Variants in DNAH5 observed in about 807,000 individuals in gnomAD.
The protein encoded by DNAH5 is dynein axonemal heavy chain 5.
DNAH5 carries 372 observed loss-of-function variants against 518.2 expected under a neutral mutation model. The ratio of observed to expected loss-of-function variants is 0.72; its 90% CI spans 0.66 to 0.78. DNAH5 has a LOEUF of 0.78. Ranked by LOEUF, DNAH5 falls within the 30% of genes least tolerant of loss-of-function variation. The pLI is 0.00. For missense variants in DNAH5, 5,523 were observed against 5,687.0 expected (o/e 0.97, Z 0.93); for synonymous variants, 2,039 against 2,025.9 (o/e 1.01, Z -0.17).
At chr5:13,847,460 C>T (rs1262754280) in intron 31 of DNAH5, among the ~76,000 whole-genome samples, 1 of 152,092 alleles carries the variant, frequency 6.6e-6, no homozygotes, top group Non-Finnish European at 1.5e-5. Flanking sequence ...CACAGTGACT[C>T]ACACCTGTAA....
At chr5:13,973,794 G>T (rs751902455) in intron 1 of DNAH5, among the ~76,000 whole-genome samples, 44 of 151,082 alleles carry the variant, frequency 2.9e-4, no homozygotes, top group Non-Finnish European at 5.4e-4. Context: ...TCTCGTGTGC[G>T]AATGCCCGAT....
intron 3 of DNAH5, among the ~76,000 whole-genome samples, chr5:13,926,131 C>A (rs1392343619): frequency 6.6e-6 from 1 of 152,176 alleles, no homozygotes; most frequent in East Asian, 1.9e-4. Context: ...ACCTAGGAAC[C>A]CAGGTGGGGC....
At chr5:13,710,514 C>T (rs944795607) in intron 75 of DNAH5, among the ~76,000 whole-genome samples, 3 of 151,756 alleles carry the variant, frequency 2.0e-5, no homozygotes, top group Non-Finnish European at 2.9e-5. Context: ...GAAATTGAAA[C>T]AAAACAAAGC....
chr5:13,936,558 T>C (rs1225285540), intron 1 of DNAH5, among the ~76,000 whole-genome samples: 5 of 152,188 alleles, frequency 3.3e-5, no homozygotes, highest in African/African-American at 1.2e-4. Context: ...TGGGAGACCT[T>C]ATAGAAATGA....
In DNAH5 at chr5:13,793,987, A is replaced by C; in HGVS notation, c.7959T>G (p.Thr2653=). The stretch of plus-strand genomic sequence containing the variant: ...GCATATTCACATCATCAATAAAAAC[A>C]GTCATCTTCTTTCCCGCAGGAGGGC... ...TYGPPAGKKM[T]VFIDDVNMPI... The change falls in exon 48 of 79, where the codon ACT becomes ACG. Residue 2653 remains threonine, a synonymous_variant. Transcript: ENST00000265104. The C allele has an allele frequency of 6.2e-7, 1 of 1,614,106 alleles. No homozygotes were observed. The highest frequency in any genetic ancestry group is 8.5e-7 in the Non-Finnish European group (1 of 1,179,980).
At chr5:13,943,390 A>G (rs16902962) in intron 1 of DNAH5, among the ~76,000 whole-genome samples, 5,382 of 152,314 alleles carry the variant, frequency 0.035, 124 homozygotes, top group Middle Eastern at 0.11. Context: ...ACATCGAAGG[A>G]AAGTGCTGAC....
chr5:13,844,325 T>G (rs1765670755), intron 32 of DNAH5, among the ~76,000 whole-genome samples: 1 of 152,192 alleles, frequency 6.6e-6, no homozygotes, highest in African/African-American at 2.4e-5. Flanking sequence ...GGTGGAGGGA[T>G]GGATTAGACA....
In DNAH5 at chr5:13,920,488, T is replaced by C. The variant is rs1478061904; in HGVS notation, c.790A>G (p.Thr264Ala). 1 of 1,614,060 alleles carries C rather than the reference T, an allele frequency of 6.2e-7. No individual in the cohort carries two copies. Among genetic ancestry groups the C allele is most frequent in the Admixed American group, 1.7e-5 (1 of 60,012 alleles). The change falls in exon 6 of 79, where the codon ACA becomes GCA. Residue 264 changes from threonine to alanine, a missense_variant. By Grantham distance (58) the Thr-to-Ala change is moderately conservative. Transcript: ENST00000265104. The part of the protein sequence containing the change: ...EDCMKVWIKQ[T>A]EQVLAENNQL... ...TGGTTTCTCAAAATTACCTGTTCTGTCTGTTTGATCCATACTTTCATGCAA... is the reference window on the plus strand; with the variant it reads ...TGGTTTCTCAAAATTACCTGTTCTGCCTGTTTGATCCATACTTTCATGCAA...
chr5:13,745,734 A>T (rs1749239726), intron 65 of DNAH5, among the ~76,000 whole-genome samples: 1 of 151,986 alleles, frequency 6.6e-6, no homozygotes, highest in Non-Finnish European at 1.5e-5. Context: ...TCAGCCCCAC[A>T]TTCCTTAGAT....
At chr5:13,775,474 ATAAT>A (rs1233616908) in intron 55 of DNAH5, among the ~76,000 whole-genome samples, 5 of 152,162 alleles carry the variant, frequency 3.3e-5, no homozygotes, top group African/African-American at 1.2e-4. Flanking sequence ...CGATGGATAG[ATAAT>A]TAATAGATAT....
chr5:13,911,440 T>C lies in DNAH5; in HGVS notation c.1590A>G (p.Lys530=). 1 of 1,614,092 alleles carries C rather than the reference T, an allele frequency of 6.2e-7. No individual in the cohort carries two copies. The highest frequency in any genetic ancestry group is 1.1e-5 in the South Asian group (1 of 91,084). ...CTTCGTAATCTTGGTCAAAATCCAT[T>C]TTCCGCTGGTCTAGGAAATTGTATT... ...KKEYNFLDQR[K]MDFDQDYEEF... is the part of the protein sequence containing the mutation. Residue 530 remains lysine (K), a synonymous_variant, in exon 12 of 79, where the codon AAA becomes AAG. Transcript: ENST00000265104.
chr5:13,843,103 ATAAAACAACAAGAAACATTGAT>A (rs1765509572), intron 32 of DNAH5, among the ~76,000 whole-genome samples: 1 of 152,166 alleles, frequency 6.6e-6, no homozygotes, highest in Non-Finnish European at 1.5e-5. Context: ...CACACATCCC[ATAAAACAACAAGAAACATTGAT>A]TTTTGAACCA....
In DNAH5 at chr5:13,727,632, T is replaced by C. The variant is rs1242812163; in HGVS notation, c.11908A>G (p.Lys3970Glu). ...DQISRNEKMW[K>E]IWFDKENPEE... ...GGGTTTTCCTTATCAAACCAAATTTTCCACATTTTCTCATTTCTCGATATC... is the reference window on the plus strand; with the variant it reads ...GGGTTTTCCTTATCAAACCAAATTTCCCACATTTTCTCATTTCTCGATATC... Residue 3970 changes from lysine to glutamate, a missense_variant, in exon 70 of 79, where the codon AAA (lysine) becomes GAA (glutamate). Physicochemically the swap from Lys to Glu is moderately conservative, Grantham distance 56 (BLOSUM62 1). This residue lies in a region of DNAH5 where 5,121 missense variants were observed against 5,223.3 expected (regional missense o/e 0.98). Transcript: ENST00000265104. 1 of 1,613,902 alleles carries C rather than the reference T, an allele frequency of 6.2e-7. No homozygotes were observed. The highest frequency in any genetic ancestry group is 1.7e-5 in the Admixed American group (1 of 60,006).
intron 61 of DNAH5, among the ~76,000 whole-genome samples, chr5:13,754,892 T>C (rs991035712): frequency 6.6e-6 from 1 of 151,796 alleles, no homozygotes; most frequent in Non-Finnish European, 1.5e-5. Flanking sequence ...GTAATCTCAG[T>C]ACTTTGGAAG....
At chr5:13,970,550 T>G (rs1781797949) in intron 1 of DNAH5, among the ~76,000 whole-genome samples, 1 of 152,234 alleles carries the variant, frequency 6.6e-6, no homozygotes, top group African/African-American at 2.4e-5. Flanking sequence ...TTATGAAACT[T>G]AGTTTTGCTG....
intron 1 of DNAH5, among the ~76,000 whole-genome samples, chr5:13,987,296 G>T (rs1011895147): frequency 2.6e-5 from 4 of 152,090 alleles, no homozygotes; most frequent in African/African-American, 9.6e-5. Context: ...TTAAAATGAG[G>T]TCTATGGTAC....
At position 13,814,643 on chromosome 5, in the gene DNAH5, T is replaced by A; in HGVS notation, c.7192A>T (p.Met2398Leu). Residue 2398 changes from methionine (M) to leucine (L), a missense_variant, in exon 43 of 79, where the codon ATG (methionine) becomes TTG (leucine). Met to Leu is a conservative substitution (Grantham distance 15). Transcript: ENST00000265104. The part of the protein sequence containing the change: ...ATVSRNGMVF[M>L]SSSILDWSPI... The stretch of plus-strand genomic sequence containing the variant: ...CTCCAATCAAGGATAGAAGAGCTCA[T>A]GAAAACCATTCCATTTCTTGAGACG... 6.2e-7 allele frequency: 1 copy of A among 1,613,976 alleles called. No individual in the cohort carries two copies. The highest frequency in any genetic ancestry group is 8.5e-7 in the Non-Finnish European group (1 of 1,179,816).
intron 42 of DNAH5, among the ~76,000 whole-genome samples, chr5:13,816,085 G>A (rs1007748495): frequency 2.0e-5 from 3 of 152,168 alleles, no homozygotes; most frequent in Admixed American, 6.5e-5. Flanking sequence ...GAAGGCAGGC[G>A]ATCAACTGTG....
intron 68 of DNAH5, among the ~76,000 whole-genome samples, chr5:13,732,514 G>A (rs1018081917): frequency 4.6e-5 from 7 of 152,076 alleles, no homozygotes; most frequent in Admixed American, 6.5e-5. Flanking sequence ...CTACAGGTGT[G>A]AGCCACCACT....
Sources: gnomAD v4.1 joint callset for allele counts (sites outside exome capture counted in the v4.1 genomes callset) on GRCh38, gnomAD v4.1.1 for gene constraint, gnomAD v4.1.1 regional missense constraint, MANE v1.5 for transcripts, NCBI Gene and HGNC (gene_info 2026-07-23, HGNC 2026-07-21) for gene names.